Variants in ELAC2 observed in about 807,000 individuals in gnomAD.
ELAC2 encodes elaC ribonuclease Z 2, also known as zinc phosphodiesterase ELAC protein 2.
Under a neutral mutation model 105.2 loss-of-function variants are expected in ELAC2, and 92 were observed. The observed-to-expected ratio is 0.87, with a 90% CI of 0.74 to 1.04. ELAC2 has a LOEUF of 1.04. ELAC2 is among the 50% of genes least tolerant of loss of function. The pLI, the probability that ELAC2 is intolerant of heterozygous loss-of-function variation, is 0.00. For synonymous variants in ELAC2, 468 were observed against 409.1 expected, an observed-to-expected ratio of 1.14 and a Z score of -1.74; for missense variants, 1,099 against 1,071.7, an observed-to-expected ratio of 1.03 and a Z score of -0.36.
intron 5 of ELAC2, 91 bp downstream of exon 5, chr17:13,014,348 G>T: frequency 5.8e-6 from 5 of 866,070 alleles, no homozygotes; most frequent in East Asian, 2.6e-5. Flanking sequence ...TTTGAGGTTT[G>T]ATGTTGATGT....
At position 12,992,850 on chromosome 17, in the gene ELAC2, CCT is replaced by C. The variant is rs1481235590; in HGVS notation, c.2447_2448del (p.Glu816GlyfsTer52). On this transcript the variant is annotated frameshift_variant, in exon 24 of 24. Coordinates refer to ENST00000338034, the MANE Select transcript of ELAC2 (RefSeq NM_018127.7). LOFTEE classifies it high-confidence loss of function. The stretch of plus-strand genomic sequence containing the variant: ...GCTCTGACCTTCTTGGCCTGTGGCT[CCT>C]CTGTGTGGGCCCGCTTCTGCTGAGG... ...GEPQQKRAHT[E>X]EPQAKKVRAQ The C allele has an allele frequency of 1.9e-6, 3 of 1,609,736 alleles. No individual in the cohort carries two copies. The highest frequency in any genetic ancestry group is 1.3e-5 in the African/African-American group (1 of 74,866).
At chr17:13,000,862 G>C (rs1477600578) in intron 14 of ELAC2, 7 of 170,866 alleles carry the variant, frequency 4.1e-5, no homozygotes, top group South Asian at 1.4e-4. Context: ...CTGGGAGCTT[G>C]TGAGTCCCAA....
Position 13,000,153 on chromosome 17 carries a change from C to G in ELAC2, c.1423+3G>C. 6.2e-7 allele frequency: 1 copy of G among 1,613,090 alleles called. No homozygotes were observed. Among genetic ancestry groups the G allele is most frequent in the Non-Finnish European group, 8.5e-7 (1 of 1,179,854 alleles). ...AAAGGCTGCTCTGTGGGCTCCCACTCACCTGCTGGGGCTGGGCCGTCCTGC... is the reference window on the plus strand; with the variant it reads ...AAAGGCTGCTCTGTGGGCTCCCACTGACCTGCTGGGGCTGGGCCGTCCTGC... On this transcript the variant is annotated splice_donor_region_variant and intron_variant, in intron 15 of 23. Transcript: ENST00000338034.
rs954696311 is a variant in ELAC2, at chr17:13,017,997, G to C, written c.-50C>G. 22 of 1,533,622 alleles carry C rather than the reference G, an allele frequency of 1.4e-5. No individual in the cohort carries two copies. The highest frequency in any genetic ancestry group is 9.8e-5 in the East Asian group (4 of 40,880). ...AAAGCCGCCGGTCACCTACGCCCGC[G>C]TTTCCCGTGCACCACCTAGCCGCTC... On this transcript the variant is annotated 5_prime_UTR_variant, in exon 1 of 24. Coordinates refer to ENST00000338034, the MANE Select transcript of ELAC2 (RefSeq NM_018127.7).
At chr17:13,001,117 T>C (rs2040780689) in intron 14 of ELAC2, among the ~76,000 whole-genome samples, 1 of 152,216 alleles carries the variant, frequency 6.6e-6, no homozygotes. Context: ...GCACACAGCA[T>C]CCAGTCATAA....
rs774440711 is a variant in ELAC2 at position 13,000,115 on chromosome 17, G to A, written c.1423+41C>T. 2.5e-6 allele frequency: 4 copies of A among 1,576,964 alleles called. No individual in the cohort carries two copies. In the South Asian group the frequency reaches 4.4e-5, roughly 17 times the overall value. ...TGCTAGGAAAACAGCAGCAGGGGCAGAGCCCAGGAAAGAAAGGCTGCTCTG... is the reference window on the plus strand; with the variant it reads ...TGCTAGGAAAACAGCAGCAGGGGCAAAGCCCAGGAAAGAAAGGCTGCTCTG... On this transcript the variant is annotated intron_variant, in intron 15 of 23. Coordinates refer to ENST00000338034, the MANE Select transcript of ELAC2 (RefSeq NM_018127.7).
rs765353090 is a variant in ELAC2, at chr17:13,005,809, C to T, written c.814G>A (p.Ala272Thr). 8.1e-6 allele frequency: 13 copies of T among 1,613,998 alleles called. No homozygotes were observed. In the African/African-American group the frequency reaches 9.3e-5, roughly 12 times the overall value. The change falls in exon 10 of 24, where the codon GCT becomes ACT. Residue 272 changes from alanine to threonine, a missense_variant. Coordinates refer to ENST00000338034, the MANE Select transcript of ELAC2 (RefSeq NM_018127.7). ...MGLPVGTAAI[A>T]PIIAAVKDGK... ...TCCTTGACAGCAGCAATGATGGGAG[C>T]GATGGCAGCTGTCCCACTGAAATGA...
At chr17:13,015,708 T>C in intron 4 of ELAC2, 60 bp downstream of exon 4, 2 of 1,461,080 alleles carry the variant, frequency 1.4e-6, no homozygotes, top group Non-Finnish European at 1.9e-6. Flanking sequence ...AGGAAAATTC[T>C]TGTTACTGAT....
In ELAC2 at chr17:12,996,684, G is replaced by A. The variant is rs929352996; in HGVS notation, c.1522C>T (p.Pro508Ser). The A allele has an allele frequency of 2.5e-6, 4 of 1,613,076 alleles. No homozygotes were observed. Among genetic ancestry groups the A allele is most frequent in the South Asian group, 2.2e-5 (2 of 90,966 alleles). Residue 508 changes from proline to serine, a missense_variant and splice_region_variant, in exon 17 of 24, where the codon CCC becomes TCC. Physicochemically the swap from Pro to Ser is moderately conservative, Grantham distance 74 (BLOSUM62 -1). Coordinates refer to ENST00000338034, the MANE Select transcript of ELAC2 (RefSeq NM_018127.7). ...NVSATLVNIS[P>S]DTSLLLDCGE... ...CAGTCCAGTAGCAGAGACGTGTCGG[G>A]GCTGCAGAAGAGAAGAGGAAGAGAG...
chr17:13,009,339 C>T (rs1386863878), intron 8 of ELAC2, among the ~76,000 whole-genome samples: 1 of 152,146 alleles, frequency 6.6e-6, no homozygotes, highest in Non-Finnish European at 1.5e-5. Context: ...TCTAAGCCCA[C>T]AAAAAGGCAA....
chr17:13,016,017 T>C (rs2041701232), intron 3 of ELAC2, among the ~76,000 whole-genome samples, 185 bp from the exon 4 acceptor site: 1 of 152,236 alleles, frequency 6.6e-6, no homozygotes, highest in Admixed American at 6.5e-5. Context: ...CCAAATATTC[T>C]TTAAATGCCT....
In ELAC2 at chr17:13,007,030, A is replaced by G. The variant is rs528150795; in HGVS notation, c.739-1051T>C. ...CAGCTACTCGGGAGGCTGAGGCAGGAACCCAGGAGGCGGAAGATTGCAGTG... is the reference window on the plus strand; with the variant it reads ...CAGCTACTCGGGAGGCTGAGGCAGGGACCCAGGAGGCGGAAGATTGCAGTG... On this transcript the variant is annotated intron_variant, in intron 8 of 23. Coordinates refer to ENST00000338034, the MANE Select transcript of ELAC2 (RefSeq NM_018127.7). 3.1e-3 allele frequency among the ~76,000 whole-genome samples: 468 copies of G among 152,064 alleles called. 1 individual carries two copies. The highest frequency in any genetic ancestry group is 5.6e-3 in the Non-Finnish European group (383 of 67,978).
At position 12,992,906 on chromosome 17, in the gene ELAC2, T is replaced by G. The variant is rs773219330; in HGVS notation, c.2393A>C (p.Glu798Ala). ...RQVRAALLSR[E>A]LAGGLEDGEP... ...CCCATCCTCCAGGCCGCCTGCCAGC[T>G]CCCTGGACAGGAGGGCCGCCCGCAC... The change falls in exon 24 of 24, where the codon GAG (glutamate) becomes GCG (alanine). Residue 798 changes from glutamate (E) to alanine (A), a missense_variant. Transcript: ENST00000338034. 8.7e-6 allele frequency: 14 copies of G among 1,611,730 alleles called. No homozygotes were observed. The highest frequency in any genetic ancestry group is 1.2e-5 in the Non-Finnish European group (14 of 1,180,010).
intron 23 of ELAC2, 105 bp downstream of exon 23, chr17:12,993,582 G>A: frequency 6.5e-7 from 1 of 1,544,294 alleles, no homozygotes. Flanking sequence ...TTCCCACGGT[G>A]GCCCCAAATA....
At chr17:13,003,001 C>G (rs913243546) in intron 12 of ELAC2, among the ~76,000 whole-genome samples, 1 of 152,182 alleles carries the variant, frequency 6.6e-6, no homozygotes, top group African/African-American at 2.4e-5. Flanking sequence ...CCACCTGGCC[C>G]TGGCCAGCGA....
chr17:12,995,518 T>C (rs898733033), intron 19 of ELAC2, among the ~76,000 whole-genome samples, 185 bp downstream of exon 19: 2 of 152,236 alleles, frequency 1.3e-5, no homozygotes, highest in African/African-American at 4.8e-5. Context: ...AAGCATTACA[T>C]GGGAACTATC....
At chr17:13,001,208 A>G (rs1021524667) in intron 14 of ELAC2, among the ~76,000 whole-genome samples, 1 of 152,240 alleles carries the variant, frequency 6.6e-6, no homozygotes, top group Non-Finnish European at 1.5e-5. Flanking sequence ...CTTAAAAATT[A>G]AAACAGGCCG....
intron 3 of ELAC2, among the ~76,000 whole-genome samples, chr17:13,016,604 C>T (rs925499982): frequency 6.6e-6 from 1 of 151,884 alleles, no homozygotes; most frequent in Admixed American, 6.6e-5. Context: ...TAGCAAAACC[C>T]CGTCGCTACA....
rs773995732 is a variant in ELAC2, at chr17:12,993,714, T to C, written c.2226A>G (p.Lys742=). The C allele has an allele frequency of 6.2e-6, 10 of 1,614,198 alleles. No individual in the cohort carries two copies. The highest frequency in any genetic ancestry group is 3.4e-6 in the Non-Finnish European group (4 of 1,180,020). Residue 742 remains lysine (K), a synonymous_variant, in exon 23 of 24, where the codon AAA becomes AAG. Coordinates refer to ENST00000338034, the MANE Select transcript of ELAC2 (RefSeq NM_018127.7). ...TCATGTGGTCAAAGGCAACTCCCAC[T>C]TTCTCGCTGAAGTTGGGGCTGAAGA... ...VPLFSPNFSE[K]VGVAFDHMKV...
Sources: gnomAD v4.1 joint callset for allele counts (sites outside exome capture counted in the v4.1 genomes callset) on GRCh38, gnomAD v4.1.1 for gene constraint, MANE v1.5 for transcripts, NCBI Gene and HGNC (gene_info 2026-07-23, HGNC 2026-07-21) for gene names.